The following ESRRG variants were observed in gnomAD, a reference collection of about 807,000 sequenced individuals.
ESRRG encodes the protein estrogen-related receptor gamma.
A neutral mutation model predicts 44.0 loss-of-function variants in ESRRG; 13 were observed. That is an observed-to-expected ratio of 0.30 (90% CI 0.19 to 0.47). The LOEUF (loss-of-function observed/expected upper bound fraction) is 0.47, where lower values mean the gene tolerates loss of function less well. Among genes scored for constraint, ESRRG ranks in the 20% least tolerant of loss-of-function variants. The pLI, the probability that ESRRG is intolerant of heterozygous loss-of-function variation, is 1.00. For missense variants in ESRRG, 395 were observed against 580.6 expected (o/e 0.68, Z 3.29); for synonymous variants, 215 against 214.6 (o/e 1.00, Z -0.02).
intron 1 of ESRRG, among the ~76,000 whole-genome samples, chr1:216,951,845 A>AAC (rs1210788129): frequency 6.6e-6 from 1 of 151,396 alleles, no homozygotes; most frequent in East Asian, 1.9e-4. Flanking sequence ...TGCATAAGAA[A>AAC]ACACACACAC....
At chr1:216,992,343 C>A (rs1057359945) in intron 1 of ESRRG, among the ~76,000 whole-genome samples, 2 of 152,192 alleles carry the variant, frequency 1.3e-5, no homozygotes, top group Non-Finnish European at 2.9e-5. Flanking sequence ...GCAACCTGTT[C>A]TTAAACTCTC....
intron 1 of ESRRG, among the ~76,000 whole-genome samples, chr1:216,972,040 G>A (rs962359264): frequency 6.6e-6 from 1 of 152,194 alleles, no homozygotes; most frequent in Admixed American, 6.5e-5. Flanking sequence ...TACCTCTGAT[G>A]AACAAAATTG....
chr1:216,589,201 A>G (rs1268260603), intron 3 of ESRRG, among the ~76,000 whole-genome samples: 2 of 152,172 alleles, frequency 1.3e-5, no homozygotes, highest in Non-Finnish European at 2.9e-5. Flanking sequence ...TTGAGCCACC[A>G]ACATAGATAT....
At chr1:216,671,961 G>T (rs975182848) in intron 2 of ESRRG, among the ~76,000 whole-genome samples, 7 of 151,552 alleles carry the variant, frequency 4.6e-5, no homozygotes, top group Non-Finnish European at 8.8e-5. Flanking sequence ...TCCTTCTCTT[G>T]CCTCCTTAAC....
rs923776621 is a variant in ESRRG, at chr1:216,873,803, T to C, written c.-14+65779A>G. On this transcript the variant is annotated intron_variant, in intron 2 of 7. Coordinates refer to the ESRRG transcript ENST00000359162. Reference sequence around the variant, plus strand: ...CAGACATCTGGCCCCTGTAGGCACCTGTTGCCATCATTGTTAGCACTTGGA... The same window carrying C: ...CAGACATCTGGCCCCTGTAGGCACCCGTTGCCATCATTGTTAGCACTTGGA... Among the ~76,000 whole-genome samples the C allele has an allele frequency of 4.0e-5, 6 of 148,870 alleles. No individual in the cohort carries two copies. In the Admixed American group the frequency reaches 4.1e-4, roughly 10 times the overall value.
chr1:216,905,133 A>C (rs2149520241), intron 2 of ESRRG, among the ~76,000 whole-genome samples: 1 of 152,262 alleles, frequency 6.6e-6, no homozygotes, highest in African/African-American at 2.4e-5. Flanking sequence ...ATAAACCTTA[A>C]GACTTTCAAC....
At chr1:216,547,801 G>A (rs537977277) in intron 5 of ESRRG, among the ~76,000 whole-genome samples, 1 of 152,154 alleles carries the variant, frequency 6.6e-6, no homozygotes, top group Non-Finnish European at 1.5e-5. Flanking sequence ...GAGATCAGTA[G>A]TTAGGTTGCA....
intron 2 of ESRRG, among the ~76,000 whole-genome samples, chr1:216,652,814 C>T (rs1322590842): frequency 6.6e-6 from 1 of 152,044 alleles, no homozygotes; most frequent in Admixed American, 6.5e-5. Context: ...ATTTATTTTG[C>T]ATCAAAAGAG....
chr1:216,933,913 T>A (rs892536187), intron 2 of ESRRG, among the ~76,000 whole-genome samples: 1 of 152,134 alleles, frequency 6.6e-6, no homozygotes, highest in South Asian at 2.1e-4. Context: ...CACTGACCCC[T>A]GGCCTATCAA....
intron 5 of ESRRG, among the ~76,000 whole-genome samples, chr1:216,535,821 A>G (rs922716650): frequency 5.3e-5 from 8 of 151,814 alleles, no homozygotes. Context: ...CTATCTGTTT[A>G]TCTGTCTTTT....
At chr1:217,116,161 A>G (rs1331525476) in intron 1 of ESRRG, among the ~76,000 whole-genome samples, 4 of 152,210 alleles carry the variant, frequency 2.6e-5, no homozygotes, top group African/African-American at 9.7e-5. Context: ...CATTATAGAT[A>G]AAATAGATTA....
chr1:216,829,413 A>C (rs17044048), intron 2 of ESRRG, among the ~76,000 whole-genome samples: 2,256 of 152,170 alleles, frequency 0.015, 61 homozygotes, highest in African/African-American at 0.049. Context: ...ACTACCCTAT[A>C]AGTTAGATAC....
At chr1:217,085,013 A>G (rs1423803065) in intron 1 of ESRRG, among the ~76,000 whole-genome samples, 1 of 152,188 alleles carries the variant, frequency 6.6e-6, no homozygotes, top group Non-Finnish European at 1.5e-5. Context: ...TATGGTATAC[A>G]TGTCCAAGAG....
At chr1:216,844,966 G>A (rs2095717494) in intron 2 of ESRRG, among the ~76,000 whole-genome samples, 1 of 152,040 alleles carries the variant, frequency 6.6e-6, no homozygotes, top group Non-Finnish European at 1.5e-5. Context: ...GGCTAATTCT[G>A]CCTCATTATT....
intron 1 of ESRRG, among the ~76,000 whole-genome samples, chr1:216,973,543 C>T (rs377555414): frequency 8.3e-4 from 126 of 152,230 alleles, no homozygotes; most frequent in African/African-American, 2.9e-3. Flanking sequence ...GCTTTAACAT[C>T]TTAACATGAG....
intron 1 of ESRRG, among the ~76,000 whole-genome samples, chr1:217,002,702 C>A (rs2077202448): frequency 6.6e-6 from 1 of 152,102 alleles, no homozygotes; most frequent in South Asian, 2.1e-4. Flanking sequence ...GAATCACTTG[C>A]TCTAGGAGAA....
chr1:217,020,714 A>C (rs1056303174), intron 1 of ESRRG, among the ~76,000 whole-genome samples: 3 of 152,184 alleles, frequency 2.0e-5, no homozygotes, highest in African/African-American at 7.2e-5. Context: ...CTGTTGAAAA[A>C]TCTACGGATA....
chr1:216,825,080 A>G (rs577625004), intron 2 of ESRRG, among the ~76,000 whole-genome samples: 21 of 152,102 alleles, frequency 1.4e-4, no homozygotes, highest in Admixed American at 2.0e-4. Context: ...CTTTGCCATC[A>G]GTTTCTAGTC....
At chr1:216,613,386 C>T (rs2060940897) in intron 3 of ESRRG, among the ~76,000 whole-genome samples, 1 of 152,176 alleles carries the variant, frequency 6.6e-6, no homozygotes, top group South Asian at 2.1e-4. Context: ...GCGCCAAACA[C>T]AGAATGTGTT....
Sources: allele counts gnomAD v4.1 joint callset (sites outside exome capture counted in the v4.1 genomes callset), GRCh38; gene constraint gnomAD v4.1.1; transcripts MANE v1.5; gene names NCBI Gene and HGNC (gene_info 2026-07-23, HGNC 2026-07-21).